The following ROBO2 variants were observed in gnomAD, a reference collection of about 807,000 sequenced individuals.
ROBO2 encodes the protein roundabout homolog 2.
In ROBO2, 53 loss-of-function variants were observed where a neutral mutation model predicts 160.8. The ratio of observed to expected loss-of-function variants is 0.33; its 90% CI spans 0.26 to 0.41. ROBO2 has a LOEUF of 0.41. ROBO2 is among the 10% of genes least tolerant of loss of function. The probability of loss-of-function intolerance (pLI) is 1.00; values close to 1 mark genes in which losing one functional copy is unlikely to be tolerated. For missense variants in ROBO2, 1,577 were observed against 1,722.4 expected, an observed-to-expected ratio of 0.92 and a Z score of 1.49; for synonymous variants, 664 against 611.7, an observed-to-expected ratio of 1.09 and a Z score of -1.26.
At chr3:75,995,696 C>T (rs1367454110) in intron 2 of ROBO2, among the ~76,000 whole-genome samples, 2 of 152,014 alleles carry the variant, frequency 1.3e-5, no homozygotes, top group African/African-American at 4.8e-5. Context: ...GCACTGTGCA[C>T]CAGGGAAAGC....
At chr3:76,842,211 C>T (rs987422414) in intron 2 of ROBO2, among the ~76,000 whole-genome samples, 20 of 152,182 alleles carry the variant, frequency 1.3e-4, no homozygotes, top group African/African-American at 3.4e-4. Flanking sequence ...AACGTTATTA[C>T]GGCTGTTGCT....
intron 2 of ROBO2, among the ~76,000 whole-genome samples, chr3:77,284,221 C>A (rs762280645): frequency 6.6e-6 from 1 of 152,118 alleles, no homozygotes; most frequent in Non-Finnish European, 1.5e-5. Flanking sequence ...TATGGCTTAC[C>A]AAGCCCTAAG....
At chr3:77,290,033 C>G (rs116691792) in intron 2 of ROBO2, among the ~76,000 whole-genome samples, 6 of 141,606 alleles carry the variant, frequency 4.2e-5, no homozygotes, top group Non-Finnish European at 9.1e-5. Flanking sequence ...GTAAAATTGA[C>G]GATTAAATGG....
intron 2 of ROBO2, among the ~76,000 whole-genome samples, chr3:77,451,997 C>T (rs1404952188): frequency 6.6e-6 from 1 of 152,018 alleles, no homozygotes; most frequent in African/African-American, 2.4e-5. Context: ...TCAATTCCTA[C>T]CTATGAGTGA....
intron 2 of ROBO2, among the ~76,000 whole-genome samples, chr3:77,254,954 G>C (rs560353555): frequency 7.2e-5 from 11 of 152,222 alleles, no homozygotes; most frequent in Non-Finnish European, 1.3e-4. Flanking sequence ...ATAGGGGCAG[G>C]TTCCTCTATC....
chr3:76,186,236 A>C (rs767723283), intron 2 of ROBO2, among the ~76,000 whole-genome samples: 2 of 151,976 alleles, frequency 1.3e-5, no homozygotes, highest in African/African-American at 2.4e-5. Flanking sequence ...CCTGACCCAC[A>C]GATATTTAAT....
intron 2 of ROBO2, among the ~76,000 whole-genome samples, chr3:77,301,129 G>A (rs1041192163): frequency 6.6e-6 from 1 of 151,956 alleles, no homozygotes; most frequent in Non-Finnish European, 1.5e-5. Flanking sequence ...TTGGTCTCTC[G>A]AAGTGCTGGG....
At chr3:76,955,965 GGAA>G (rs2079225504) in intron 2 of ROBO2, among the ~76,000 whole-genome samples, 1 of 151,456 alleles carries the variant, frequency 6.6e-6, no homozygotes, top group Non-Finnish European at 1.5e-5. Context: ...CTTACTCAGT[GGAA>G]TGTGGCCTTA....
chr3:76,593,884 T>C (rs1434329904), intron 2 of ROBO2, among the ~76,000 whole-genome samples: 1 of 151,984 alleles, frequency 6.6e-6, no homozygotes, highest in Non-Finnish European at 1.5e-5. Flanking sequence ...TTTAAATGTA[T>C]AAAATAAGAG....
chr3:77,590,823 C>T lies in ROBO2; in HGVS notation c.2683+1890C>T, dbSNP rs117894997. Among the ~76,000 whole-genome samples, 117 of 152,128 alleles carry T rather than the reference C, an allele frequency of 7.7e-4. 4 individuals are homozygous for T. In the East Asian group the frequency reaches 0.023, roughly 29 times the overall value. On this transcript the variant is annotated intron_variant, in intron 17 of 25. Transcript: ENST00000461745. ...TTTTAACAGCAATTCTTTGCACAAC[C>T]TATGCACTTAAATTGAAAATATATG...
chr3:76,018,742 C>CGT, intron 2 of ROBO2, among the ~76,000 whole-genome samples: 1 of 136,506 alleles, frequency 7.3e-6, no homozygotes, highest in Non-Finnish European at 1.6e-5. Flanking sequence ...TCTGAAGTTC[C>CGT]ATGCGTATCT....
At chr3:75,950,383 A>C (rs1389113826) in intron 2 of ROBO2, among the ~76,000 whole-genome samples, 3 of 152,138 alleles carry the variant, frequency 2.0e-5, no homozygotes, top group Admixed American at 6.6e-5. Context: ...AGGATTACAT[A>C]TACAAGATTA....
intron 2 of ROBO2, among the ~76,000 whole-genome samples, chr3:77,238,538 TTTC>T (rs2088441385): frequency 6.6e-6 from 1 of 152,150 alleles, no homozygotes; most frequent in African/African-American, 2.4e-5. Context: ...TCTTAATAGC[TTTC>T]TATTAAAATA....
At chr3:76,619,056 A>T (rs569150120) in intron 2 of ROBO2, among the ~76,000 whole-genome samples, 1 of 151,004 alleles carries the variant, frequency 6.6e-6, no homozygotes, top group Non-Finnish European at 1.5e-5. Flanking sequence ...AAAGAAAAAA[A>T]TAGGCCGGGC....
chr3:76,414,532 C>T (rs533647461), intron 2 of ROBO2, among the ~76,000 whole-genome samples: 2,115 of 145,982 alleles, frequency 0.014, 17 homozygotes, highest in Non-Finnish European at 0.021. Flanking sequence ...AACCAAACAC[C>T]GCATATTCTC....
At chr3:77,055,166 T>G (rs1236278795) in intron 1 of ROBO2, among the ~76,000 whole-genome samples, 1 of 152,186 alleles carries the variant, frequency 6.6e-6, no homozygotes, top group Non-Finnish European at 1.5e-5. Context: ...TTTTAAAGAT[T>G]TTCTTTTATT....
chr3:76,620,167 T>G (rs982114728), intron 2 of ROBO2, among the ~76,000 whole-genome samples: 3 of 152,212 alleles, frequency 2.0e-5, no homozygotes, highest in African/African-American at 7.2e-5. Context: ...GTGATGTTTC[T>G]TTGTCCCACC....
At chr3:77,608,491 G>T (rs1416403556) in intron 21 of ROBO2, among the ~76,000 whole-genome samples, 2 of 152,118 alleles carry the variant, frequency 1.3e-5, no homozygotes, top group Non-Finnish European at 2.9e-5. Context: ...ACTCTGTAAT[G>T]AAACCTTTTT....
At chr3:77,083,696 C>T (rs191470795) in intron 1 of ROBO2, among the ~76,000 whole-genome samples, 3 of 152,046 alleles carry the variant, frequency 2.0e-5, no homozygotes, top group Non-Finnish European at 4.4e-5. Context: ...TATGCCTAAG[C>T]GGTTATGATA....
Sources: allele counts gnomAD v4.1 joint callset (sites outside exome capture counted in the v4.1 genomes callset), GRCh38; gene constraint gnomAD v4.1.1; transcripts MANE v1.5; gene names NCBI Gene and HGNC (gene_info 2026-07-23, HGNC 2026-07-21).